The following SDK1 variants were observed in gnomAD, a reference collection of about 807,000 sequenced individuals.
SDK1 encodes the protein sidekick cell adhesion molecule 1.
SDK1 carries 157 observed loss-of-function variants against 245.5 expected under a neutral mutation model. The observed-to-expected ratio is 0.64, with a 90% CI of 0.56 to 0.73. SDK1 has a LOEUF of 0.73. Ranked by LOEUF, SDK1 falls within the 30% of genes least tolerant of loss-of-function variation. The pLI is 0.00. For missense variants in SDK1, 3,583 were observed against 3,002.3 expected (o/e 1.19, Z -4.52); for synonymous variants, 1,647 against 1,278.5 (o/e 1.29, Z -6.15).
intron 1 of SDK1, among the ~76,000 whole-genome samples, chr7:3,334,600 G>A (rs1462261763): frequency 6.6e-6 from 1 of 152,160 alleles, no homozygotes; most frequent in Non-Finnish European, 1.5e-5. Flanking sequence ...CGACAGCCTC[G>A]CCCAGCACAT....
chr7:3,484,788 T>C (rs1781628170), intron 1 of SDK1, among the ~76,000 whole-genome samples: 1 of 152,230 alleles, frequency 6.6e-6, no homozygotes, highest in African/African-American at 2.4e-5. Flanking sequence ...TGACTTTCGC[T>C]TAATGTCCTC....
At chr7:4,233,563 C>G in intron 41 of SDK1, 144 bp downstream of exon 41, 2 of 750,594 alleles carry the variant, frequency 2.7e-6, no homozygotes, top group Non-Finnish European at 4.2e-6. Flanking sequence ...TCTGTCTTCT[C>G]CTGAAGGATG....
chr7:3,564,568 T>G (rs1042995132), intron 1 of SDK1, among the ~76,000 whole-genome samples: 2 of 152,038 alleles, frequency 1.3e-5, no homozygotes, highest in African/African-American at 2.4e-5. Context: ...TCAAATGATT[T>G]TATTGGAACA....
At chr7:3,382,461 C>A (rs1172617104) in intron 1 of SDK1, among the ~76,000 whole-genome samples, 1 of 152,174 alleles carries the variant, frequency 6.6e-6, no homozygotes, top group Non-Finnish European at 1.5e-5. Context: ...AAAACATCGG[C>A]ATTTTTATAT....
intron 5 of SDK1, among the ~76,000 whole-genome samples, chr7:3,875,098 TC>T (rs1251121058): frequency 1.3e-5 from 2 of 152,224 alleles, no homozygotes; most frequent in East Asian, 3.9e-4. Context: ...AGTTGAATCT[TC>T]CTATGGGCTT....
intron 4 of SDK1, among the ~76,000 whole-genome samples, chr7:3,672,794 T>TATATAAAA: frequency 1.5e-5 from 1 of 65,580 alleles, no homozygotes; most frequent in Admixed American, 2.1e-4. Flanking sequence ...TATATATATA[T>TATATAAAA]AAAAAATACA....
intron 1 of SDK1, among the ~76,000 whole-genome samples, chr7:3,419,241 C>T (rs972135838): frequency 5.3e-5 from 8 of 152,154 alleles, no homozygotes; most frequent in Non-Finnish European, 7.3e-5. Context: ...AAGGACTTTG[C>T]CCGAAGTGGC....
chr7:3,743,421 C>G (rs1779531717), intron 4 of SDK1, among the ~76,000 whole-genome samples: 3 of 152,146 alleles, frequency 2.0e-5, no homozygotes, highest in African/African-American at 7.2e-5. Context: ...CTCATGTAGG[C>G]TTCTGTATAC....
chr7:4,198,440 C>G (rs1351839982), intron 35 of SDK1, among the ~76,000 whole-genome samples: 1 of 152,244 alleles, frequency 6.6e-6, no homozygotes, highest in Non-Finnish European at 1.5e-5. Flanking sequence ...GGCCTCTGCT[C>G]TCATTGCAGC....
Position 3,324,071 on chromosome 7 carries a change from G to A in SDK1, c.298+22187G>A, listed in dbSNP as rs879460619. ...GAGAAATGAGTGTAAATGGGCTGTTGGCCCTCACAGTAAAATCTGGTATCT... is the reference window on the plus strand; with the variant it reads ...GAGAAATGAGTGTAAATGGGCTGTTAGCCCTCACAGTAAAATCTGGTATCT... On this transcript the variant is annotated intron_variant, in intron 1 of 44. Coordinates refer to ENST00000404826, the MANE Select transcript of SDK1 (RefSeq NM_152744.4). 3.1e-3 allele frequency among the ~76,000 whole-genome samples: 475 copies of A among 151,712 alleles called. 2 individuals carry two copies. Among genetic ancestry groups the A allele is most frequent in the Non-Finnish European group, 5.3e-3 (362 of 67,906 alleles).
chr7:4,192,581 G>A (rs554864269), intron 35 of SDK1, among the ~76,000 whole-genome samples: 1 of 152,264 alleles, frequency 6.6e-6, no homozygotes, highest in East Asian at 1.9e-4. Context: ...AGCCAGTAAA[G>A]TATATTCTAA....
At chr7:3,549,004 G>A (rs1779317339) in intron 1 of SDK1, among the ~76,000 whole-genome samples, 1 of 152,040 alleles carries the variant, frequency 6.6e-6, no homozygotes, top group Non-Finnish European at 1.5e-5. Flanking sequence ...TGTGCTGGAG[G>A]TGAGGCGCCC....
chr7:3,873,763 T>C (rs564066114), intron 5 of SDK1, among the ~76,000 whole-genome samples: 2 of 152,212 alleles, frequency 1.3e-5, no homozygotes, highest in Non-Finnish European at 2.9e-5. Flanking sequence ...ACTGTTTTTC[T>C]GATTTCTATC....
At chr7:3,607,934 C>T (rs1781472290) in intron 1 of SDK1, among the ~76,000 whole-genome samples, 1 of 152,240 alleles carries the variant, frequency 6.6e-6, no homozygotes, top group African/African-American at 2.4e-5. Flanking sequence ...GTGGCAGACC[C>T]TGAGCCCCTT....
chr7:4,143,604 G>A (rs1414181812), intron 28 of SDK1, among the ~76,000 whole-genome samples: 2 of 152,224 alleles, frequency 1.3e-5, no homozygotes, highest in Non-Finnish European at 2.9e-5. Flanking sequence ...CCAAAGGTGT[G>A]TCCTTCCTTT....
Position 4,110,765 on chromosome 7 carries a change from C to CA in SDK1, c.3428dup (p.His1143GlnfsTer45). On this transcript the variant is annotated frameshift_variant, in exon 23 of 45. Coordinates refer to ENST00000404826, the MANE Select transcript of SDK1 (RefSeq NM_152744.4). LOFTEE classifies it high-confidence loss of function. ...GATCCCAAACCTCACACCCTACACT[C>CA]ACTACAGGTGAGAACAGCAGTGATA... 2.5e-6 allele frequency: 4 copies of CA among 1,608,088 alleles called. No individual in the cohort carries two copies. Among genetic ancestry groups the CA allele is most frequent in the Non-Finnish European group, 3.4e-6 (4 of 1,174,526 alleles).
At position 3,831,621 on chromosome 7, in the gene SDK1, A is replaced by AAT. The variant is rs1167123122; in HGVS notation, c.847+10038_847+10039insAT. On this transcript the variant is annotated intron_variant, in intron 5 of 44. Transcript: ENST00000404826. ...TGTAGGCCTGATATCCTATGGTTTA[A>AAT]CTTCAGTTTCCAATTTTAAGGACAG... Among the ~76,000 whole-genome samples, 6 of 152,274 alleles carry AAT rather than the reference A, an allele frequency of 3.9e-5. No homozygotes were observed. In the East Asian group the frequency reaches 1.2e-3, roughly 29 times the overall value.
At chr7:3,548,183 GA>G (rs1779289399) in intron 1 of SDK1, among the ~76,000 whole-genome samples, 1 of 152,184 alleles carries the variant, frequency 6.6e-6, no homozygotes. Context: ...AAGTATATAT[GA>G]AGATCTGAAA....
chr7:3,583,523 C>G (rs1780583797), intron 1 of SDK1, among the ~76,000 whole-genome samples: 1 of 152,174 alleles, frequency 6.6e-6, no homozygotes, highest in Non-Finnish European at 1.5e-5. Flanking sequence ...GAGGTTGCAT[C>G]TGTCTAGTTC....
Sources: gnomAD v4.1 joint callset for allele counts (sites outside exome capture counted in the v4.1 genomes callset) on GRCh38, gnomAD v4.1.1 for gene constraint, MANE v1.5 for transcripts, NCBI Gene and HGNC (gene_info 2026-07-23, HGNC 2026-07-21) for gene names.